NYAP2: variants seen among roughly 807,000 people sequenced by gnomAD.
The protein encoded by NYAP2 is neuronal tyrosine-phosphorylated phosphoinositide-3-kinase adapter 2.
A neutral mutation model predicts 50.4 loss-of-function variants in NYAP2; 23 were observed. The observed-to-expected ratio is 0.46, with a 90% CI of 0.33 to 0.65. NYAP2 has a LOEUF of 0.65. Among genes scored for constraint, NYAP2 ranks in the 30% least tolerant of loss-of-function variants. The pLI is 0.02. For missense variants in NYAP2, 885 were observed against 861.0 expected (o/e 1.03, Z -0.35); for synonymous variants, 394 against 365.2 (o/e 1.08, Z -0.90).
At chr2:225,519,474 A>G (rs1035438725) in intron 4 of NYAP2, among the ~76,000 whole-genome samples, 2 of 128,350 alleles carry the variant, frequency 1.6e-5, no homozygotes, top group Non-Finnish European at 3.1e-5. Flanking sequence ...TCCTGTGTCC[A>G]TGTGTTCTCA....
At chr2:225,417,464 G>C (rs1695144972) in intron 3 of NYAP2, among the ~76,000 whole-genome samples, 1 of 151,818 alleles carries the variant, frequency 6.6e-6, no homozygotes. Flanking sequence ...AATACACAAT[G>C]GAATATTCAT....
chr2:225,470,668 A>G (rs1001609770), intron 3 of NYAP2, among the ~76,000 whole-genome samples: 3 of 152,210 alleles, frequency 2.0e-5, no homozygotes, highest in Admixed American at 6.5e-5. Flanking sequence ...TAAAGTGTGA[A>G]TAGCCAACTC....
At chr2:225,689,247 G>A in the NYAP2 span, among the ~76,000 whole-genome samples, 1 of 152,250 alleles carries the variant, frequency 6.6e-6, no homozygotes, top group East Asian at 1.9e-4. Flanking sequence ...TTTACAGGCA[G>A]AGAAAATGAG....
intron 4 of NYAP2, among the ~76,000 whole-genome samples, chr2:225,577,218 G>A (rs1006339278): frequency 1.3e-5 from 2 of 152,016 alleles, no homozygotes; most frequent in African/African-American, 4.8e-5. Flanking sequence ...ACTATTTTAA[G>A]CATTAAACTT....
intron 3 of NYAP2, among the ~76,000 whole-genome samples, chr2:225,468,913 C>T (rs1322775256): frequency 6.6e-6 from 1 of 152,178 alleles, no homozygotes; most frequent in African/African-American, 2.4e-5. Flanking sequence ...AAGAATTTCT[C>T]TGCCATTTGG....
At chr2:225,512,002 T>A (rs944656025) in intron 3 of NYAP2, among the ~76,000 whole-genome samples, 5 of 152,210 alleles carry the variant, frequency 3.3e-5, no homozygotes, top group African/African-American at 1.2e-4. Context: ...ATGGTATTTT[T>A]AAAAAATTGT....
chr2:225,701,105 T>C, the NYAP2 span: 1 of 151,852 alleles, frequency 6.6e-6, no homozygotes, highest in Non-Finnish European at 1.5e-5. Flanking sequence ...AGAACTGTTA[T>C]TCTGTGCCTA....
chr2:225,696,336 C>A, the NYAP2 span, among the ~76,000 whole-genome samples: 1 of 151,814 alleles, frequency 6.6e-6, no homozygotes, highest in Admixed American at 6.6e-5. Context: ...ACATGCCTGG[C>A]AGAGCATAGG....
At chr2:225,487,970 G>A (rs1259874330) in intron 3 of NYAP2, among the ~76,000 whole-genome samples, 1 of 152,186 alleles carries the variant, frequency 6.6e-6, no homozygotes, top group Non-Finnish European at 1.5e-5. Flanking sequence ...CATTCCCAAA[G>A]TGCTTGGTGT....
chr2:225,633,519 C>T (rs745498221), intron 6 of NYAP2, among the ~76,000 whole-genome samples: 1 of 152,222 alleles, frequency 6.6e-6, no homozygotes, highest in Non-Finnish European at 1.5e-5. Context: ...TTTACTCCCA[C>T]AAAGGAAAAT....
chr2:225,407,490 C>A (rs1167672365), intron 2 of NYAP2, among the ~76,000 whole-genome samples: 1 of 151,758 alleles, frequency 6.6e-6, no homozygotes, highest in African/African-American at 2.4e-5. Flanking sequence ...GGTTCCAAAT[C>A]AAATATGGAT....
chr2:225,684,158 C>T, the NYAP2 span, among the ~76,000 whole-genome samples: 4 of 152,096 alleles, frequency 2.6e-5, no homozygotes, highest in Non-Finnish European at 4.4e-5. Context: ...ACTCCAATAC[C>T]TGTGGCTGCT....
intron 5 of NYAP2, among the ~76,000 whole-genome samples, chr2:225,595,708 A>G (rs1338597867): frequency 1.3e-5 from 2 of 152,192 alleles, no homozygotes; most frequent in African/African-American, 2.4e-5. Flanking sequence ...AGCTGTGTGT[A>G]TGGCTCTTTA....
At chr2:225,502,242 G>A (rs903884687) in intron 3 of NYAP2, among the ~76,000 whole-genome samples, 10 of 151,990 alleles carry the variant, frequency 6.6e-5, no homozygotes, top group Admixed American at 1.3e-4. Context: ...AACCAAAGCC[G>A]AGCGGTAGAG....
chr2:225,531,381 A>C (rs1691251309), intron 4 of NYAP2, among the ~76,000 whole-genome samples: 1 of 152,230 alleles, frequency 6.6e-6, no homozygotes, highest in Non-Finnish European at 1.5e-5. Flanking sequence ...GTAATAACTT[A>C]TGTAGGCATT....
chr2:225,613,096 G>A (rs1017744619), intron 5 of NYAP2, among the ~76,000 whole-genome samples: 1 of 152,146 alleles, frequency 6.6e-6, no homozygotes, highest in Non-Finnish European at 1.5e-5. Flanking sequence ...GAAGTCTCAC[G>A]ATAGGCTGGC....
the NYAP2 span, among the ~76,000 whole-genome samples, chr2:225,664,376 C>T: frequency 6.6e-6 from 1 of 152,132 alleles, no homozygotes; most frequent in Non-Finnish European, 1.5e-5. Flanking sequence ...CTTGCTGTCT[C>T]AATACATATT....
intron 4 of NYAP2, among the ~76,000 whole-genome samples, chr2:225,581,037 C>G (rs1435701872): frequency 6.6e-6 from 1 of 152,182 alleles, no homozygotes; most frequent in Non-Finnish European, 1.5e-5. Context: ...CAGGCATTTG[C>G]CAGCCTCTTC....
chr2:225,702,622 C>T, the NYAP2 span: 6 of 151,320 alleles, frequency 4.0e-5, no homozygotes, highest in African/African-American at 1.5e-4. Flanking sequence ...ATATGTACTG[C>T]TGTCTATGTA....
Sources: gnomAD v4.1 joint callset for allele counts (sites outside exome capture counted in the v4.1 genomes callset) on GRCh38, gnomAD v4.1.1 for gene constraint, MANE v1.5 for transcripts, NCBI Gene and HGNC (gene_info 2026-07-23, HGNC 2026-07-21) for gene names.